Variants in ZNF90 observed in about 807,000 individuals in gnomAD.
ZNF90 encodes zinc finger protein HTF9.
Under a neutral mutation model 12.0 loss-of-function variants are expected in ZNF90, and 11 were observed. The ratio of observed to expected loss-of-function variants is 0.92; its 90% CI spans 0.58 to 1.52. The LOEUF is 1.52. Among genes scored for constraint, ZNF90 ranks in the 40% most tolerant of loss-of-function variants. The pLI, the probability that ZNF90 is intolerant of heterozygous loss-of-function variation, is 0.00. For synonymous variants in ZNF90, 232 were observed against 240.1 expected (o/e 0.97, Z 0.31); for missense variants, 765 against 711.5 (o/e 1.08, Z -0.86).
At position 20,078,037 on chromosome 19, in the gene ZNF90, T is replaced by C. The variant is rs1385422974; in HGVS notation, c.-96T>C. The C allele has an allele frequency of 4.6e-6, 7 of 1,537,552 alleles. No individual in the cohort carries two copies. The East Asian group carries it at 1.6e-4, about 35-fold the overall frequency. On this transcript the variant is annotated 5_prime_UTR_variant, in exon 1 of 4. Transcript: ENST00000418063. Reference sequence around the variant, plus strand: ...GCTGCAGCTGGTGCTCCAAATCTGGTCTTAGCTGCTTCGTGTCTTCTTCTC... The same window carrying C: ...GCTGCAGCTGGTGCTCCAAATCTGGCCTTAGCTGCTTCGTGTCTTCTTCTC...
At chr19:20,114,775 C>T (rs1275956642) in intron 3 of ZNF90, among the ~76,000 whole-genome samples, 1 of 151,580 alleles carries the variant, frequency 6.6e-6, no homozygotes, top group African/African-American at 2.4e-5. Context: ...GTTCTCTATA[C>T]CTTCATTAGA....
At chr19:20,088,038 A>C (rs1304984114) in intron 1 of ZNF90, among the ~76,000 whole-genome samples, 1 of 152,068 alleles carries the variant, frequency 6.6e-6, no homozygotes, top group African/African-American at 2.4e-5. Context: ...GGGCATATTC[A>C]CTTCTTTTGT....
At chr19:20,082,193 A>T (rs899293108) in intron 1 of ZNF90, among the ~76,000 whole-genome samples, 2 of 152,092 alleles carry the variant, frequency 1.3e-5, no homozygotes, top group Non-Finnish European at 2.9e-5. Context: ...AGCACCAAAC[A>T]TGTCTGTTTT....
intron 3 of ZNF90, 105 bp downstream of exon 3, chr19:20,105,421 A>G (rs2089028010): frequency 1.1e-6 from 1 of 891,086 alleles, no homozygotes; most frequent in South Asian, 1.5e-5. Flanking sequence ...TGTGTTCCAA[A>G]GAGAATAGTT....
In ZNF90 at chr19:20,118,551, A is replaced by G. The variant is rs1555706062; in HGVS notation, c.997A>G (p.Arg333Gly). Residue 333 changes from arginine to glycine, a missense_variant, in exon 4 of 4, where the codon AGA (arginine) becomes GGA (glycine). Transcript: ENST00000418063. ...KLSSILSTHKRIHTGEKPYKC... is the reference protein window; with the variant it reads ...KLSSILSTHKGIHTGEKPYKC... ...CTCCTCAATCCTTAGTACACATAAGAGAATCCATACTGGAGAGAAACCCTA... is the reference window on the plus strand; with the variant it reads ...CTCCTCAATCCTTAGTACACATAAGGGAATCCATACTGGAGAGAAACCCTA... The G allele has an allele frequency of 4.3e-6, 7 of 1,613,726 alleles. No individual in the cohort carries two copies. The South Asian group carries it at 6.6e-5, about 15-fold the overall frequency.
In ZNF90 at chr19:20,079,837, C is replaced by G. The variant is rs143013370; in HGVS notation, c.3+1702C>G. On this transcript the variant is annotated intron_variant, in intron 1 of 3. Transcript: ENST00000418063. The stretch of plus-strand genomic sequence containing the variant: ...AATCTCATCTGCTCGGCCACCCTGT[C>G]CCGGCCCTGAAGCGATGTAAGCAAG... The G allele has an allele frequency of 8.3e-6, 3 of 363,428 alleles. No individual in the cohort carries two copies. In the East Asian group the frequency reaches 2.3e-4, roughly 28 times the overall value. The allele number at this position is 363,428 out of a possible 1,614,324, so 22.5% of individuals were successfully genotyped here. A position where few individuals can be genotyped will look rare whatever the true frequency, so the allele number is the denominator to read the frequency against.
chr19:20,090,945 G>A (rs916389146), intron 1 of ZNF90, among the ~76,000 whole-genome samples: 1 of 152,122 alleles, frequency 6.6e-6, no homozygotes, highest in Non-Finnish European at 1.5e-5. Context: ...GGATGGTAAG[G>A]GATATGAAGT....
chr19:20,119,023 T>C lies in ZNF90; in HGVS notation c.1469T>C (p.Phe490Ser). The change falls in exon 4 of 4, where the codon TTC (phenylalanine) becomes TCC (serine). Residue 490 changes from phenylalanine to serine, a missense_variant. Coordinates refer to ENST00000418063, the MANE Select transcript of ZNF90 (RefSeq NM_007138.2). ...LYKCQECDKA[F>S]KYSSALSTHK... ...AAATGTCAAGAATGTGACAAAGCCTTCAAGTACTCCTCAGCCCTTAGCACA... is the reference window on the plus strand; with the variant it reads ...AAATGTCAAGAATGTGACAAAGCCTCCAAGTACTCCTCAGCCCTTAGCACA... 1.2e-6 allele frequency: 2 copies of C among 1,606,902 alleles called. No individual in the cohort carries two copies. Among genetic ancestry groups the C allele is most frequent in the South Asian group, 2.2e-5 (2 of 90,358 alleles).
chr19:20,079,775 A>T, intron 1 of ZNF90: 1 of 219,106 alleles, frequency 4.6e-6, no homozygotes, highest in East Asian at 1.4e-4. Context: ...ATTGAGAAAT[A>T]TTTTGTTTTA....
At position 20,109,073 on chromosome 19, in the gene ZNF90, T is replaced by G. The variant is rs147969373; in HGVS notation, c.226+3757T>G. On this transcript the variant is annotated intron_variant, in intron 3 of 3. Transcript: ENST00000418063. The stretch of plus-strand genomic sequence containing the variant: ...TTATTGTGTCTATTGGTTTTACTTA[T>G]GTAGTAAGTAGAGAATTTGCAATTC... 8.5e-5 allele frequency among the ~76,000 whole-genome samples: 13 copies of G among 152,306 alleles called. 1 individual carries two copies. Among genetic ancestry groups the G allele is most frequent in the Admixed American group, 7.8e-4 (12 of 15,298 alleles).
At chr19:20,112,621 CTCTTGTAGTACA>C (rs1200620478) in intron 3 of ZNF90, among the ~76,000 whole-genome samples, 1 of 152,138 alleles carries the variant, frequency 6.6e-6, no homozygotes, top group African/African-American at 2.4e-5. Flanking sequence ...CATGCACAAC[CTCTTGTAGTACA>C]TCTTGTAGGA....
chr19:20,080,451 CA>C (rs1372116901), intron 1 of ZNF90: 1 of 307,256 alleles, frequency 3.3e-6, no homozygotes, highest in Non-Finnish European at 6.6e-6. Flanking sequence ...AGCCGGGCGC[CA>C]CAACTCATCC....
chr19:20,095,806 A>G (rs1309079674), intron 1 of ZNF90, among the ~76,000 whole-genome samples: 1 of 152,028 alleles, frequency 6.6e-6, no homozygotes, highest in Non-Finnish European at 1.5e-5. Context: ...CTGCCCCAGA[A>G]AAGCAGAGAA....
In ZNF90 at chr19:20,105,244, C is replaced by T; in HGVS notation, c.154C>T (p.Leu52=). ...AGGTATTGTTGTCACTAAGCCAGAC[C>T]TGATCACCTGTCTGGAGCAAGGAAA... is the stretch of plus-strand genomic sequence containing the variant. ...FLGIVVTKPD[L]ITCLEQGKKP... is the part of the protein sequence containing the mutation. The change falls in exon 3 of 4, where the codon CTG becomes TTG. Residue 52 remains leucine (L), a synonymous_variant. Transcript: ENST00000418063. 2 of 1,605,602 alleles carry T rather than the reference C, an allele frequency of 1.2e-6. No individual in the cohort carries two copies. Among genetic ancestry groups the T allele is most frequent in the Admixed American group, 1.7e-5 (1 of 58,744 alleles).
Position 20,106,044 on chromosome 19 carries a change from C to CATTTTT in ZNF90, c.226+728_226+729insATTTTT, listed in dbSNP as rs1555704366. On this transcript the variant is annotated intron_variant, in intron 3 of 3. Transcript: ENST00000418063. ...TTATTTGGAACTTCTCTAATTTTTTCTTTTTTTTTTTTTTTTTTTTTTTGG... is the reference window on the plus strand; with the variant it reads ...TTATTTGGAACTTCTCTAATTTTTTCATTTTTTTTTTTTTTTTTTTTTTTTTTTTGG... 1.3e-3 allele frequency among the ~76,000 whole-genome samples: 92 copies of CATTTTT among 71,052 alleles called. 3 individuals are homozygous for CATTTTT. Among genetic ancestry groups the CATTTTT allele is most frequent in the African/African-American group, 4.0e-3 (76 of 18,800 alleles). The allele number at this position is 71,052 out of a possible 152,430, so 46.6% of individuals were successfully genotyped here.
In ZNF90 at chr19:20,107,221, G is replaced by C. The variant is rs2089047436; in HGVS notation, c.226+1905G>C. ...ATGCCTGCCTGTATAGCTATAATTG[G>C]GTGCCTTTCTCCAGGTCTCTGGAGT... is the stretch of plus-strand genomic sequence containing the variant. On this transcript the variant is annotated intron_variant, in intron 3 of 3. Transcript: ENST00000418063. 5 of 314,616 alleles carry C rather than the reference G, an allele frequency of 1.6e-5. No homozygotes were observed. The Admixed American group carries it at 1.7e-4, about 10-fold the overall frequency. The allele number at this position is 314,616 out of a possible 1,614,324, so 19.5% of individuals were successfully genotyped here. A position where few individuals can be genotyped will look rare whatever the true frequency, so the allele number is the denominator to read the frequency against.
chr19:20,110,878 TTTA>T (rs2089083046), intron 3 of ZNF90, among the ~76,000 whole-genome samples: 1 of 152,192 alleles, frequency 6.6e-6, no homozygotes. Context: ...GTTATTCACC[TTTA>T]TTGTTTAGTT....
intron 3 of ZNF90, among the ~76,000 whole-genome samples, chr19:20,115,612 AATGCTCTTAT>A (rs1352781794): frequency 6.6e-6 from 1 of 151,970 alleles, no homozygotes; most frequent in African/African-American, 2.4e-5. Context: ...CTGCTCCGAA[AATGCTCTTAT>A]ATGTGAATTT....
intron 1 of ZNF90, among the ~76,000 whole-genome samples, chr19:20,079,027 G>T (rs544445832): frequency 6.6e-5 from 10 of 150,566 alleles, no homozygotes; most frequent in Non-Finnish European, 1.5e-5. Context: ...GCTGAGGCCC[G>T]AGAATTGCTT....
Sources: allele counts gnomAD v4.1 joint callset (sites outside exome capture counted in the v4.1 genomes callset), GRCh38; gene constraint gnomAD v4.1.1; transcripts MANE v1.5; gene names NCBI Gene and HGNC (gene_info 2026-07-23, HGNC 2026-07-21).